BICD1: variants seen among roughly 807,000 people sequenced by gnomAD.
The protein encoded by BICD1 is protein bicaudal D homolog 1.
In BICD1, 35 loss-of-function variants were observed where a neutral mutation model predicts 92.5. That is an observed-to-expected ratio of 0.38 (90% CI 0.29 to 0.50). BICD1 has a LOEUF of 0.50. Ranked by LOEUF, BICD1 falls within the 20% of genes least tolerant of loss-of-function variation. The pLI is 0.93. For synonymous variants in BICD1, 429 were observed against 465.1 expected (o/e 0.92, Z 1.00); for missense variants, 950 against 1,189.8 (o/e 0.80, Z 2.97).
At chr12:32,226,316 G>A (rs1205589215) in intron 2 of BICD1, among the ~76,000 whole-genome samples, 3 of 151,986 alleles carry the variant, frequency 2.0e-5, no homozygotes, top group Non-Finnish European at 4.4e-5. Context: ...TGTATTTTTA[G>A]TAGAGACAGG....
chr12:32,108,819 TC>T, intron 1 of BICD1: 1 of 535,026 alleles, frequency 1.9e-6, no homozygotes, highest in African/African-American at 1.9e-5. Context: ...TTTTTGTGTG[TC>T]AGGCTGTAAA....
chr12:32,305,784 T>A lies in BICD1; in HGVS notation c.667T>A (p.Leu223Met). 6.2e-7 allele frequency: 1 copy of A among 1,614,036 alleles called. No homozygotes were observed. Among genetic ancestry groups the A allele is most frequent in the Non-Finnish European group, 8.5e-7 (1 of 1,180,018 alleles). Residue 223 changes from leucine (L) to methionine (M), a missense_variant, in exon 4 of 10, where the codon TTG (leucine) becomes ATG (methionine). By Grantham distance (15) the Leu-to-Met change is conservative (BLOSUM62 2). Transcript: ENST00000652176. ...LNSQLEDAIRLKEIAEHQLEE... is the reference protein window; with the variant it reads ...LNSQLEDAIRMKEIAEHQLEE... The stretch of plus-strand genomic sequence containing the variant: ...CAGCCAGCTGGAAGATGCCATCCGA[T>A]TGAAAGAGATTGCTGAGCACCAACT...
At chr12:32,340,279 T>G in intron 8 of BICD1, 2 of 985,390 alleles carry the variant, frequency 2.0e-6, no homozygotes, top group Non-Finnish European at 2.4e-6. Flanking sequence ...GTTGGAATGG[T>G]GTAATAGCCA....
At chr12:32,208,269 G>T (rs182825157) in intron 1 of BICD1, among the ~76,000 whole-genome samples, 2 of 152,294 alleles carry the variant, frequency 1.3e-5, no homozygotes, top group Admixed American at 1.3e-4. Flanking sequence ...TCCAAAGCAC[G>T]TCGTCTTTCT....
intron 1 of BICD1, among the ~76,000 whole-genome samples, chr12:32,126,069 A>G (rs1942324801): frequency 6.6e-6 from 1 of 150,508 alleles, no homozygotes; most frequent in Admixed American, 6.7e-5. Context: ...AAAAAAAAAA[A>G]GCAGTGCATC....
At chr12:32,146,878 T>TTCC (rs1411320160) in intron 1 of BICD1, among the ~76,000 whole-genome samples, 1 of 137,822 alleles carries the variant, frequency 7.3e-6, no homozygotes, top group Non-Finnish European at 1.6e-5. Flanking sequence ...CCTCTTCTTC[T>TTCC]TCCTCCTCCT....
chr12:32,150,771 C>T (rs1943264795), intron 1 of BICD1, among the ~76,000 whole-genome samples: 1 of 151,958 alleles, frequency 6.6e-6, no homozygotes, highest in Admixed American at 6.6e-5. Context: ...GTATGATACT[C>T]TGATATCTTA....
intron 8 of BICD1, among the ~76,000 whole-genome samples, chr12:32,366,364 A>T (rs1253471915): frequency 6.6e-6 from 1 of 152,258 alleles, no homozygotes; most frequent in East Asian, 1.9e-4. Flanking sequence ...TCACGCCTGT[A>T]ATCCCAGCAC....
chr12:32,182,831 CT>C (rs1371935272), intron 1 of BICD1, among the ~76,000 whole-genome samples: 1 of 146,962 alleles, frequency 6.8e-6, no homozygotes, highest in Non-Finnish European at 1.5e-5. Context: ...TATTACAGAG[CT>C]TTGTACACTG....
At chr12:32,351,609 C>A (rs1274885998) in intron 8 of BICD1, among the ~76,000 whole-genome samples, 1 of 149,456 alleles carries the variant, frequency 6.7e-6, no homozygotes, top group African/African-American at 2.5e-5. Flanking sequence ...GTCATTTTAA[C>A]TAAAGTTATT....
chr12:32,333,641 A>G (rs1810350098), intron 5 of BICD1, among the ~76,000 whole-genome samples: 1 of 152,206 alleles, frequency 6.6e-6, no homozygotes, highest in African/African-American at 2.4e-5. Context: ...CCAGTTTGTA[A>G]AAATCATGTG....
chr12:32,135,834 T>C (rs1207974384), intron 1 of BICD1, among the ~76,000 whole-genome samples: 1 of 152,056 alleles, frequency 6.6e-6, no homozygotes, highest in Non-Finnish European at 1.5e-5. Context: ...TGACTTTTGA[T>C]TGAGATGCTG....
intron 2 of BICD1, among the ~76,000 whole-genome samples, chr12:32,277,673 C>T (rs1420404049): frequency 2.0e-5 from 3 of 152,146 alleles, no homozygotes; most frequent in African/African-American, 7.2e-5. Context: ...AAAGAATAAA[C>T]AAAAATGCTA....
intron 1 of BICD1, among the ~76,000 whole-genome samples, chr12:32,154,454 C>G (rs1943380270): frequency 6.6e-6 from 1 of 152,182 alleles, no homozygotes; most frequent in African/African-American, 2.4e-5. Flanking sequence ...CAGCAACCTC[C>G]TCTTGACAGT....
chr12:32,140,113 C>T (rs1942863289), intron 1 of BICD1, among the ~76,000 whole-genome samples: 1 of 152,188 alleles, frequency 6.6e-6, no homozygotes, highest in African/African-American at 2.4e-5. Context: ...AGAAGTACCA[C>T]TGCCTTTGTG....
chr12:32,136,997 CCTGGAGCTAAAACA>C (rs1289020846), intron 1 of BICD1, among the ~76,000 whole-genome samples: 1 of 152,150 alleles, frequency 6.6e-6, no homozygotes, highest in East Asian at 1.9e-4. Flanking sequence ...GCCATTAATA[CCTGGAGCTAAAACA>C]CTGTTTTGGT....
At chr12:32,124,919 C>T (rs958631223) in intron 1 of BICD1, among the ~76,000 whole-genome samples, 1 of 152,158 alleles carries the variant, frequency 6.6e-6, no homozygotes, top group Non-Finnish European at 1.5e-5. Context: ...TTCAGCATAG[C>T]TGACTGTAAC....
chr12:32,111,730 C>T (rs958442662), intron 1 of BICD1, among the ~76,000 whole-genome samples: 2 of 151,898 alleles, frequency 1.3e-5, no homozygotes, highest in African/African-American at 4.8e-5. Context: ...GCCTCAGCCT[C>T]CGGAGTAGCT....
At chr12:32,358,634 G>A (rs1349541642) in intron 8 of BICD1, among the ~76,000 whole-genome samples, 1 of 152,020 alleles carries the variant, frequency 6.6e-6, no homozygotes, top group Non-Finnish European at 1.5e-5. Flanking sequence ...CTACTTAGGA[G>A]GCTGAGGCAG....
Sources: gnomAD v4.1 joint callset for allele counts (sites outside exome capture counted in the v4.1 genomes callset) on GRCh38, gnomAD v4.1.1 for gene constraint, MANE v1.5 for transcripts, NCBI Gene and HGNC (gene_info 2026-07-23, HGNC 2026-07-21) for gene names.